The following UNC5D variants were observed in gnomAD, a reference collection of about 807,000 sequenced individuals.
UNC5D encodes the protein netrin receptor UNC5D.
A neutral mutation model predicts 105.4 loss-of-function variants in UNC5D; 39 were observed. The ratio of observed to expected loss-of-function variants is 0.37; its 90% CI spans 0.29 to 0.48. The LOEUF is 0.48. Among genes scored for constraint, UNC5D ranks in the 20% least tolerant of loss-of-function variants. The probability of loss-of-function intolerance (pLI) is 0.98; values close to 1 mark genes in which losing one functional copy is unlikely to be tolerated. For missense variants in UNC5D, 991 were observed against 1,202.4 expected (o/e 0.82, Z 2.60); for synonymous variants, 452 against 450.4 (o/e 1.00, Z -0.04).
chr8:35,338,234 G>A (rs1242776138), intron 1 of UNC5D, among the ~76,000 whole-genome samples: 2 of 152,120 alleles, frequency 1.3e-5, no homozygotes, highest in Admixed American at 6.5e-5. Context: ...GCTGTCAAAT[G>A]CCAGTCTCTC....
At position 35,256,970 on chromosome 8, in the gene UNC5D, T is replaced by G. The variant is rs575435234; in HGVS notation, c.103+21083T>G. On this transcript the variant is annotated intron_variant, in intron 1 of 16. Coordinates refer to ENST00000404895, the MANE Select transcript of UNC5D (RefSeq NM_080872.4). ...CCTGCTCTTTTTTTGTTTTTTTTTT[T>G]TTTTTGTTTTTTGTTTTTTTTTGAC... 2.8e-3 allele frequency among the ~76,000 whole-genome samples: 421 copies of G among 149,826 alleles called. 10 individuals carry two copies. In the South Asian group the frequency reaches 0.049, roughly 18 times the overall value.
chr8:35,669,997 G>C (rs1327632860), intron 4 of UNC5D, among the ~76,000 whole-genome samples: 1 of 152,114 alleles, frequency 6.6e-6, no homozygotes, highest in East Asian at 1.9e-4. Context: ...GTCTGGATAT[G>C]ATCATGTGGG....
chr8:35,285,773 A>T (rs1806550656), intron 1 of UNC5D, among the ~76,000 whole-genome samples: 3 of 152,118 alleles, frequency 2.0e-5, no homozygotes, highest in Admixed American at 2.0e-4. Context: ...TAGCCAGGGG[A>T]ATCCACAGAT....
intron 4 of UNC5D, among the ~76,000 whole-genome samples, chr8:35,641,782 C>G (rs1586317985): frequency 1.3e-5 from 2 of 152,202 alleles, no homozygotes; most frequent in East Asian, 3.9e-4. Context: ...ATAGATTGAC[C>G]TTGAAAACAA....
intron 1 of UNC5D, among the ~76,000 whole-genome samples, chr8:35,260,825 T>G (rs1554496954): frequency 6.6e-6 from 1 of 152,190 alleles, no homozygotes; most frequent in Non-Finnish European, 1.5e-5. Context: ...AAACGTTGTC[T>G]TTTTTGGGTA....
rs534459186 is a variant in UNC5D, at chr8:35,442,155, A to G, written c.104-107137A>G. Among the ~76,000 whole-genome samples the G allele has an allele frequency of 4.2e-4, 64 of 151,884 alleles. No homozygotes were observed. In the South Asian group the frequency reaches 5.4e-3, roughly 13 times the overall value. ...TATTCAAGGTTATTAGATTTTTTTAATTGGTGGTTTTTGTTGTTTTTTAAT... is the reference window on the plus strand; with the variant it reads ...TATTCAAGGTTATTAGATTTTTTTAGTTGGTGGTTTTTGTTGTTTTTTAAT... On this transcript the variant is annotated intron_variant, in intron 1 of 16. Coordinates refer to ENST00000404895, the MANE Select transcript of UNC5D (RefSeq NM_080872.4).
intron 3 of UNC5D, among the ~76,000 whole-genome samples, chr8:35,570,335 T>C (rs1817631685): frequency 6.6e-6 from 1 of 152,174 alleles, no homozygotes; most frequent in Non-Finnish European, 1.5e-5. Context: ...GAAAAATTAT[T>C]TCATCTCTGT....
At chr8:35,327,747 G>A (rs1810283148) in intron 1 of UNC5D, among the ~76,000 whole-genome samples, 1 of 152,200 alleles carries the variant, frequency 6.6e-6, no homozygotes, top group Admixed American at 6.5e-5. Context: ...CCAGGATGAT[G>A]GATTGAAGGT....
chr8:35,739,242 T>C (rs1168109466), intron 11 of UNC5D, among the ~76,000 whole-genome samples: 2 of 152,184 alleles, frequency 1.3e-5, no homozygotes, highest in East Asian at 3.9e-4. Flanking sequence ...CATGATGATT[T>C]CTTCACAGAG....
chr8:35,690,940 G>A (rs180846654), intron 7 of UNC5D, among the ~76,000 whole-genome samples: 22 of 152,230 alleles, frequency 1.4e-4, no homozygotes, highest in Admixed American at 9.2e-4. Flanking sequence ...CCACCTTCTC[G>A]TGGAGGATTC....
intron 7 of UNC5D, among the ~76,000 whole-genome samples, chr8:35,687,356 G>T (rs1358992538): frequency 6.6e-6 from 1 of 151,164 alleles, no homozygotes; most frequent in Non-Finnish European, 1.5e-5. Flanking sequence ...GCAGGAGAAT[G>T]CCGTGAACCC....
chr8:35,537,743 ATAAT>A (rs1195280461), intron 1 of UNC5D, among the ~76,000 whole-genome samples: 2 of 150,414 alleles, frequency 1.3e-5, no homozygotes, highest in Non-Finnish European at 3.0e-5. Context: ...ATTTATACAT[ATAAT>A]TAAATAAATA....
intron 12 of UNC5D, among the ~76,000 whole-genome samples, chr8:35,749,692 T>G (rs1830170750): frequency 6.6e-6 from 1 of 152,154 alleles, no homozygotes; most frequent in Non-Finnish European, 1.5e-5. Flanking sequence ...AAGGGCCATG[T>G]TTTAGTCCTC....
chr8:35,746,129 G>C (rs1018508469), intron 11 of UNC5D, among the ~76,000 whole-genome samples: 7 of 152,074 alleles, frequency 4.6e-5, no homozygotes, highest in Non-Finnish European at 1.0e-4. Flanking sequence ...CCAGCAATTT[G>C]ACCAGAAATC....
intron 1 of UNC5D, among the ~76,000 whole-genome samples, chr8:35,422,833 G>A (rs1453373676): frequency 6.6e-6 from 1 of 152,176 alleles, no homozygotes; most frequent in Non-Finnish European, 1.5e-5. Context: ...GGAAAAATGT[G>A]AACATAATCT....
At chr8:35,700,792 G>T (rs1458667145) in intron 7 of UNC5D, among the ~76,000 whole-genome samples, 1 of 152,176 alleles carries the variant, frequency 6.6e-6, no homozygotes, top group Non-Finnish European at 1.5e-5. Context: ...ATAAAGGTAG[G>T]CAGAGCAGTT....
At chr8:35,319,486 C>G (rs1247945196) in intron 1 of UNC5D, among the ~76,000 whole-genome samples, 2 of 152,104 alleles carry the variant, frequency 1.3e-5, no homozygotes, top group African/African-American at 2.4e-5. Context: ...AAGATGGTCT[C>G]TTTCCTATGA....
intron 1 of UNC5D, among the ~76,000 whole-genome samples, chr8:35,527,511 A>C (rs1275085253): frequency 1.3e-5 from 2 of 152,156 alleles, no homozygotes; most frequent in African/African-American, 4.8e-5. Flanking sequence ...CACATTAGGG[A>C]GAGCAGAATG....
chr8:35,457,584 T>C (rs76876137), intron 1 of UNC5D, among the ~76,000 whole-genome samples: 3,585 of 152,266 alleles, frequency 0.024, 145 homozygotes, highest in African/African-American at 0.083. Context: ...GTTCTTGTCT[T>C]TGATGTGGGT....
Sources: allele counts gnomAD v4.1 joint callset (sites outside exome capture counted in the v4.1 genomes callset), GRCh38; gene constraint gnomAD v4.1.1; transcripts MANE v1.5; gene names NCBI Gene and HGNC (gene_info 2026-07-23, HGNC 2026-07-21).